ZDHHC11B: variants seen among roughly 807,000 people sequenced by gnomAD.
The protein encoded by ZDHHC11B is zDHHC palmitoyltransferase 11B (putative).
Under a neutral mutation model 42.3 loss-of-function variants are expected in ZDHHC11B, and 17 were observed. The observed-to-expected ratio is 0.40, with a 90% confidence interval of 0.27 to 0.60. ZDHHC11B has a LOEUF of 0.60. Ranked by LOEUF, ZDHHC11B falls within the 20% of genes least tolerant of loss-of-function variation. The probability of loss-of-function intolerance (pLI) is 0.41; values close to 1 mark genes in which losing one functional copy is unlikely to be tolerated. For missense variants in ZDHHC11B, 262 were observed against 463.2 expected, an observed-to-expected ratio of 0.57 and a Z score of 3.99; for synonymous variants, 123 against 193.5, an observed-to-expected ratio of 0.64 and a Z score of 3.02.
intron 4 of ZDHHC11B, among the ~76,000 whole-genome samples, chr5:766,497 G>A (rs1273876932): frequency 6.6e-6 from 1 of 151,856 alleles, no homozygotes; most frequent in Non-Finnish European, 1.5e-5. Flanking sequence ...TGTGGGGTCA[G>A]CAGCTGTCCT....
chr5:762,106 C>T (rs375507942), intron 4 of ZDHHC11B, among the ~76,000 whole-genome samples: 4 of 151,158 alleles, frequency 2.6e-5, no homozygotes, highest in African/African-American at 9.7e-5. Flanking sequence ...CTCATGGCCC[C>T]AGACAGTCAC....
At chr5:772,908 ATTAGTT>A (rs1736173303) in intron 1 of ZDHHC11B, among the ~76,000 whole-genome samples, 1 of 151,928 alleles carries the variant, frequency 6.6e-6, no homozygotes. Context: ...TCAAACATGT[ATTAGTT>A]TAACAAAATA....
chr5:763,547 G>A (rs1734900694), intron 4 of ZDHHC11B, among the ~76,000 whole-genome samples: 1 of 151,820 alleles, frequency 6.6e-6, no homozygotes. Flanking sequence ...AGACTGAGGG[G>A]CCTCCTGTGG....
At chr5:763,581 C>G (rs1250726801) in intron 4 of ZDHHC11B, among the ~76,000 whole-genome samples, 1 of 151,738 alleles carries the variant, frequency 6.6e-6, no homozygotes, top group Non-Finnish European at 1.5e-5. Flanking sequence ...TTTCTCTGAC[C>G]AGTCAAAGGC....
At chr5:743,622 C>A (rs1449422232) in intron 9 of ZDHHC11B, among the ~76,000 whole-genome samples, 1 of 149,372 alleles carries the variant, frequency 6.7e-6, no homozygotes, top group Admixed American at 6.8e-5. Flanking sequence ...ACATATTTGC[C>A]CAAGGTTTGT....
intron 1 of ZDHHC11B, among the ~76,000 whole-genome samples, chr5:784,202 T>C (rs1737084424): frequency 6.6e-6 from 1 of 151,110 alleles, no homozygotes; most frequent in Non-Finnish European, 1.5e-5. Context: ...TCTCAAAACG[T>C]GCTGCGGGCA....
At chr5:751,750 C>T (rs1745797644) in intron 6 of ZDHHC11B, among the ~76,000 whole-genome samples, 1 of 126,132 alleles carries the variant, frequency 7.9e-6, no homozygotes, top group Non-Finnish European at 1.8e-5. Flanking sequence ...TGTGACGCCC[C>T]CCCAGGTCTC....
At chr5:771,272 A>T (rs1197950465) in intron 1 of ZDHHC11B, among the ~76,000 whole-genome samples, 2 of 151,542 alleles carry the variant, frequency 1.3e-5, no homozygotes, top group Non-Finnish European at 3.0e-5. Context: ...TGAACTTGAG[A>T]TCCCACAAAT....
intron 4 of ZDHHC11B, among the ~76,000 whole-genome samples, chr5:760,790 C>T (rs1734505025): frequency 6.6e-6 from 1 of 151,766 alleles, no homozygotes; most frequent in Non-Finnish European, 1.5e-5. Context: ...ACATGTGCAC[C>T]ACTCCGGACT....
chr5:757,638 G>A (rs144882752), intron 4 of ZDHHC11B, among the ~76,000 whole-genome samples: 2 of 152,072 alleles, frequency 1.3e-5, no homozygotes, highest in Non-Finnish European at 2.9e-5. Flanking sequence ...CACAGGTGCC[G>A]AATCCCTCAG....
chr5:753,830 T>C (rs1478822675), intron 6 of ZDHHC11B, among the ~76,000 whole-genome samples: 1 of 147,436 alleles, frequency 6.8e-6, no homozygotes, highest in Non-Finnish European at 1.5e-5. Flanking sequence ...CCCCGGTGCG[T>C]CCTGTGACAC....
At chr5:759,966 G>T (rs1194131124) in intron 4 of ZDHHC11B, among the ~76,000 whole-genome samples, 5 of 151,910 alleles carry the variant, frequency 3.3e-5, no homozygotes, top group Non-Finnish European at 5.9e-5. Context: ...TGCAGCCGGG[G>T]ATGCCGTCCT....
rs1270297630 is a variant in ZDHHC11B at position 776,253 on chromosome 5, G to C, written c.-229-7323C>G. On this transcript the variant is annotated intron_variant, in intron 1 of 13. Coordinates refer to ENST00000508859, the MANE Select transcript of ZDHHC11B (RefSeq NM_001351303.2). ...CGTGCCTGCAGGTGGCAAAGCTCCT[G>C]AGGGCCTGATGGACCCTCCAATGTC... Among the ~76,000 whole-genome samples, 25 of 151,824 alleles carry C rather than the reference G, an allele frequency of 1.6e-4. 1 individual carries two copies. Among genetic ancestry groups the C allele is most frequent in the African/African-American group, 6.1e-4 (25 of 41,304 alleles).
chr5:739,510 A>G (rs566543739), intron 10 of ZDHHC11B, among the ~76,000 whole-genome samples: 1 of 150,576 alleles, frequency 6.6e-6, no homozygotes, highest in Non-Finnish European at 1.5e-5. Context: ...AAGCATAGGA[A>G]AAAATGCTGA....
intron 6 of ZDHHC11B, among the ~76,000 whole-genome samples, chr5:752,817 C>G (rs1161319448): frequency 3.8e-5 from 4 of 105,810 alleles, no homozygotes; most frequent in Admixed American, 2.4e-4. Context: ...GCCCCCAGTC[C>G]TCCTGGGCTC....
In ZDHHC11B at chr5:753,296, C is replaced by G. The variant is rs1311614960; in HGVS notation, c.503+1702G>C. 4.6e-5 allele frequency among the ~76,000 whole-genome samples: 6 copies of G among 129,986 alleles called. No individual in the cohort carries two copies. The Admixed American group carries it at 5.3e-4, about 11-fold the overall frequency. 85.3% of individuals were successfully genotyped at this position (129,986 alleles called of 152,430 possible). Reference sequence around the variant, plus strand: ...ATCTTGCTCTCAATGCCGTTGCTCTCTCCGCCTCTGGCGGATGAAGGGACA... The same window carrying G: ...ATCTTGCTCTCAATGCCGTTGCTCTGTCCGCCTCTGGCGGATGAAGGGACA... On this transcript the variant is annotated intron_variant, in intron 6 of 13. Coordinates refer to ENST00000508859, the MANE Select transcript of ZDHHC11B (RefSeq NM_001351303.2).
intron 1 of ZDHHC11B, among the ~76,000 whole-genome samples, chr5:775,474 G>A (rs1284860181): frequency 2.0e-5 from 3 of 151,994 alleles, no homozygotes; most frequent in Non-Finnish European, 2.9e-5. Context: ...AGAACCCGAA[G>A]GCAAGCATTC....
rs1442887320 is a variant in ZDHHC11B at position 728,696 on chromosome 5, A to G, written c.1058+1738T>C. 3.3e-5 allele frequency among the ~76,000 whole-genome samples: 5 copies of G among 152,102 alleles called. No individual in the cohort carries two copies. In the East Asian group the frequency reaches 7.7e-4, roughly 23 times the overall value. ...TGTAATAAGGTTATAAGTTCTGAGTATAAGTTAGGTATTAAATTCTCCCCC... is the reference window on the plus strand; with the variant it reads ...TGTAATAAGGTTATAAGTTCTGAGTGTAAGTTAGGTATTAAATTCTCCCCC... On this transcript the variant is annotated intron_variant, in intron 12 of 13. Transcript: ENST00000508859.
intron 4 of ZDHHC11B, among the ~76,000 whole-genome samples, chr5:764,371 G>A (rs1490183575): frequency 6.7e-6 from 1 of 149,924 alleles, no homozygotes. Context: ...CCCTCGGCTT[G>A]TGGGGAGGTA....
Sources: gnomAD v4.1 joint callset for allele counts (sites outside exome capture counted in the v4.1 genomes callset) on GRCh38, gnomAD v4.1.1 for gene constraint, MANE v1.5 for transcripts, NCBI Gene and HGNC (gene_info 2026-07-23, HGNC 2026-07-21) for gene names.